IFI27: variants seen among roughly 807,000 people sequenced by gnomAD.
IFI27 encodes interferon alpha inducible protein 27, also known as interferon alpha-inducible protein 27, mitochondrial.
Under a neutral mutation model 8.9 loss-of-function variants are expected in IFI27, and 3 were observed. The observed-to-expected ratio is 0.34, with a 90% CI of 0.15 to 0.87. The LOEUF is 0.87. IFI27 is among the 40% of genes least tolerant of loss of function. IFI27 has a pLI of 0.51. For missense variants in IFI27, 152 were observed against 157.7 expected, an observed-to-expected ratio of 0.96 and a Z score of 0.19; for synonymous variants, 66 against 67.3, an observed-to-expected ratio of 0.98 and a Z score of 0.09.
In IFI27 at chr14:94,111,169, G is replaced by A. The variant is rs1051612947; in HGVS notation, c.-59+372G>A. On this transcript the variant is annotated intron_variant, in intron 1 of 4. Transcript: ENST00000621160. The surrounding 1 kb of genome is among the most constrained non-coding windows in gnomAD (Gnocchi z 4.3). Reference sequence around the variant, plus strand: ...CTGGAGCAAATCACTGAGCCAGATCGCGCTCCCTCATCTGTAACATGCGGA... The same window carrying A: ...CTGGAGCAAATCACTGAGCCAGATCACGCTCCCTCATCTGTAACATGCGGA... Among the ~76,000 whole-genome samples the A allele has an allele frequency of 6.6e-6, 1 of 152,180 alleles. No individual in the cohort carries two copies. Among genetic ancestry groups the A allele is most frequent in the African/African-American group, 2.4e-5 (1 of 41,446 alleles).
chr14:94,109,362 G>GCAGGGAAGGGCAGGGAAGGT (rs1887077300), upstream of IFI27, among the ~76,000 whole-genome samples: 1 of 143,880 alleles, frequency 7.0e-6, no homozygotes, highest in African/African-American at 2.6e-5. Flanking sequence ...GCAGGGAAGG[G>GCAGGGAAGGGCAGGGAAGGT]CAGAGAAGGG....
At position 94,111,626 on chromosome 14, in the gene IFI27, T is replaced by C; in HGVS notation, c.-57T>C. ...CTCAGAGCTCCATCCCTTCGGCAGG[T>C]CTGGCTGAAGTTGAGGATCTCTTAC... On this transcript the variant is annotated splice_region_variant and 5_prime_UTR_variant, in exon 2 of 5. Transcript: ENST00000621160. This position sits in a 1 kb window ranked among gnomAD's most constrained non-coding sequence, Gnocchi z 4.3. The C allele has an allele frequency of 7.0e-7, 1 of 1,424,112 alleles. No homozygotes were observed. Among genetic ancestry groups the C allele is most frequent in the Non-Finnish European group, 9.9e-7 (1 of 1,008,384 alleles). The allele number at this position is 1,424,112 out of a possible 1,614,324, so 88.2% of individuals were successfully genotyped here. A position where few individuals can be genotyped will look rare whatever the true frequency, so the allele number is the denominator to read the frequency against.
At position 94,112,052 on chromosome 14, in the gene IFI27, C is replaced by G. The variant is rs1242653713; in HGVS notation, c.91+279C>G. ...CTAGCCGGAAAGGGTCTATCTACCA[C>G]TGAGTCCCACTCTCTTCAGCTCTCC... On this transcript the variant is annotated intron_variant, in intron 2 of 4. Coordinates refer to ENST00000621160, the Ensembl canonical transcript of IFI27. The G allele has an allele frequency of 9.8e-5, 54 of 548,634 alleles. No homozygotes were observed. The East Asian group carries it at 1.7e-3, about 17-fold the overall frequency. 34.0% of individuals were successfully genotyped at this position (548,634 alleles called of 1,614,324 possible).
At chr14:94,114,977 T>A in intron 3 of IFI27, 97 bp downstream of exon 3, 1 of 1,152,526 alleles carries the variant, frequency 8.7e-7, no homozygotes, top group Non-Finnish European at 1.3e-6. Flanking sequence ...TTCCCTCACA[T>A]GGGTGGTCAG....
Position 94,115,842 on chromosome 14 carries a change from C to T in IFI27, c.183C>T (p.Ile61=), listed in dbSNP as rs779928264. 39 of 1,601,904 alleles carry T rather than the reference C, an allele frequency of 2.4e-5. No individual in the cohort carries two copies. The African/African-American group carries it at 4.7e-4, about 19-fold the overall frequency. ...CCATGGGCTTCACTGCGGCGGGAAT[C>T]GCCTCGTCCTCCATAGCAGCCAAGA... The change falls in exon 4 of 5, where the codon ATC becomes ATT. Residue 61 remains isoleucine (I), a synonymous_variant. Transcript: ENST00000621160.
At chr14:94,115,704 G>A (rs1455390978) in intron 3 of IFI27, 77 bp from the exon 4 acceptor site, 1 of 1,443,416 alleles carries the variant, frequency 6.9e-7, no homozygotes, top group East Asian at 2.4e-5. Flanking sequence ...ATCCCCTGGG[G>A]TCCCCAAGCC....
intron 1 of IFI27, 118 bp downstream of exon 1, chr14:94,110,915 G>A (rs1289014202): frequency 6.5e-6 from 1 of 154,356 alleles, no homozygotes; most frequent in African/African-American, 2.4e-5. Context: ...CGGTGTTTTT[G>A]TTCTCATCAG....
At chr14:94,115,544 T>G (rs1887356143) in intron 3 of IFI27, 2 of 608,644 alleles carry the variant, frequency 3.3e-6, no homozygotes, top group Admixed American at 2.8e-5. Flanking sequence ...AAGGTCCTGC[T>G]GCCCAGAAGA....
rs1292859455 is a variant in IFI27 at position 94,111,304 on chromosome 14, G to A, written c.-58-321G>A. Among the ~76,000 whole-genome samples, 2 of 152,150 alleles carry A rather than the reference G, an allele frequency of 1.3e-5. No individual in the cohort carries two copies. Among genetic ancestry groups the A allele is most frequent in the African/African-American group, 4.8e-5 (2 of 41,418 alleles). On this transcript the variant is annotated intron_variant, in intron 1 of 4. Coordinates refer to ENST00000621160, the Ensembl canonical transcript of IFI27. The surrounding 1 kb of genome is among the most constrained non-coding windows in gnomAD (Gnocchi z 4.3). ...GATTGGTTCTGATTTCTTAGTTTTG[G>A]TGCTTTTTCAATTGCTCCGTGGAGA...
In IFI27 at chr14:94,111,494, T is replaced by G; in HGVS notation, c.-58-131T>G. ...CTCCCTCCCTCACCCCAGGATCCTT[T>G]CAAGGCCTGCTGCTCCACAAGCTCA... On this transcript the variant is annotated intron_variant, in intron 1 of 4. Coordinates refer to ENST00000621160, the Ensembl canonical transcript of IFI27. The surrounding 1 kb of genome is among the most constrained non-coding windows in gnomAD (Gnocchi z 4.3). 1.7e-6 allele frequency: 1 copy of G among 605,270 alleles called. No homozygotes were observed. The highest frequency in any genetic ancestry group is 2.0e-5 in the South Asian group (1 of 50,222). The allele number at this position is 605,270 out of a possible 1,614,324, so 37.5% of individuals were successfully genotyped here. A position where few individuals can be genotyped will look rare whatever the true frequency, so the allele number is the denominator to read the frequency against.
In IFI27 at chr14:94,115,578, A is replaced by G. The variant is rs1016505110; in HGVS notation, c.122-203A>G. 17 of 618,736 alleles carry G rather than the reference A, an allele frequency of 2.7e-5. No homozygotes were observed. The African/African-American group carries it at 3.1e-4, about 11-fold the overall frequency. The allele number at this position is 618,736 out of a possible 1,614,324, so 38.3% of individuals were successfully genotyped here. ...GAGCTTGGCCCAGAGCCCTGTGCCC[A>G]GTGACCCCACTAGCTTTTCCCTCTA... is the stretch of plus-strand genomic sequence containing the variant. On this transcript the variant is annotated intron_variant, in intron 3 of 4. Coordinates refer to ENST00000621160, the Ensembl canonical transcript of IFI27.
intron 3 of IFI27, chr14:94,115,397 TAA>T: frequency 1.9e-6 from 1 of 539,312 alleles, no homozygotes; most frequent in South Asian, 1.5e-5. Context: ...GCCTCTTACA[TAA>T]TCTCCTGGGC....
chr14:94,115,957 G>A lies in IFI27; in HGVS notation c.283+15G>A, dbSNP rs1230659819. On this transcript the variant is annotated intron_variant, in intron 4 of 4. Coordinates refer to ENST00000621160, the Ensembl canonical transcript of IFI27. ...GCAGTCACTGGGTAAGTATCCTGGC[G>A]GGGCTTGCTGGGGAGGGCGATGAGG... The A allele has an allele frequency of 3.5e-5, 55 of 1,559,468 alleles. No homozygotes were observed. The highest frequency in any genetic ancestry group is 4.0e-5 in the Non-Finnish European group (46 of 1,151,644).
At position 94,111,544 on chromosome 14, in the gene IFI27, GC is replaced by G; in HGVS notation, c.-58-78del. The stretch of plus-strand genomic sequence containing the variant: ...AGAGCAGCCTCCCTAGCCCCCTGGA[GC>G]CCGTCACATTTTTCAGGACAGTGGG... On this transcript the variant is annotated intron_variant, in intron 1 of 4. Coordinates refer to ENST00000621160, the Ensembl canonical transcript of IFI27. The surrounding 1 kb of genome is among the most constrained non-coding windows in gnomAD (Gnocchi z 4.3). The G allele has an allele frequency of 1.4e-6, 1 of 694,194 alleles. No individual in the cohort carries two copies. The highest frequency in any genetic ancestry group is 2.6e-6 in the Non-Finnish European group (1 of 384,064). The allele number at this position is 694,194 out of a possible 1,614,324, so 43.0% of individuals were successfully genotyped here.
exon 4 of IFI27, chr14:94,115,880 C>A (rs762435559): frequency 1.9e-6 from 3 of 1,599,312 alleles, no homozygotes; most frequent in Non-Finnish European, 2.6e-6. Flanking sequence ...ATGTCCGCGG[C>A]GGCCATTGCC....
chr14:94,111,552 C>T lies in IFI27; in HGVS notation c.-58-73C>T. ...CTCCCTAGCCCCCTGGAGCCCGTCACATTTTTCAGGACAGTGGGAAGCAAG... is the reference window on the plus strand; with the variant it reads ...CTCCCTAGCCCCCTGGAGCCCGTCATATTTTTCAGGACAGTGGGAAGCAAG... On this transcript the variant is annotated intron_variant, in intron 1 of 4. Transcript: ENST00000621160. The surrounding 1 kb of genome is among the most constrained non-coding windows in gnomAD (Gnocchi z 4.3). 1 of 734,650 alleles carries T rather than the reference C, an allele frequency of 1.4e-6. No individual in the cohort carries two copies. The highest frequency in any genetic ancestry group is 2.4e-6 in the Non-Finnish European group (1 of 414,214). 45.5% of individuals were successfully genotyped at this position (734,650 alleles called of 1,614,324 possible).
upstream of IFI27, among the ~76,000 whole-genome samples, chr14:94,110,248 C>T (rs1016009383): frequency 1.3e-5 from 2 of 152,158 alleles, no homozygotes; most frequent in Non-Finnish European, 2.9e-5. Flanking sequence ...TTAGTTTGCC[C>T]CCATTGCTGG....
At chr14:94,115,729 T>TGG (rs3833508) in intron 3 of IFI27, 52 bp from the exon 4 acceptor site, 28 of 1,563,410 alleles carry the variant, frequency 1.8e-5, no homozygotes, top group African/African-American at 8.2e-5. Context: ...TCAGTGTATC[T>TGG]GGGGGGGTCC....
At position 94,111,854 on chromosome 14, in the gene IFI27, G is replaced by A; in HGVS notation, c.91+81G>A. 2 of 1,065,992 alleles carry A rather than the reference G, an allele frequency of 1.9e-6. No individual in the cohort carries two copies. The highest frequency in any genetic ancestry group is 2.9e-6 in the Non-Finnish European group (2 of 683,958). 66.0% of individuals were successfully genotyped at this position (1,065,992 alleles called of 1,614,324 possible). Reference sequence around the variant, plus strand: ...GGGGGTCCTGTCCCGGGACCCGTGGGAGAGAAAATGGGGGACACCCGCAGC... The same window carrying A: ...GGGGGTCCTGTCCCGGGACCCGTGGAAGAGAAAATGGGGGACACCCGCAGC... On this transcript the variant is annotated intron_variant, in intron 2 of 4. Coordinates refer to ENST00000621160, the Ensembl canonical transcript of IFI27. This position sits in a 1 kb window ranked among gnomAD's most constrained non-coding sequence, Gnocchi z 4.3.
Sources: allele counts gnomAD v4.1 joint callset (sites outside exome capture counted in the v4.1 genomes callset), GRCh38; gene constraint gnomAD v4.1.1; non-coding constraint Gnocchi (gnomAD v3.1); transcripts MANE v1.5; gene names NCBI Gene and HGNC (gene_info 2026-07-23, HGNC 2026-07-21).